GRIP1: variants seen among roughly 807,000 people sequenced by gnomAD.
The protein encoded by GRIP1 is glutamate receptor interacting protein 1, also known as glutamate receptor-interacting protein 1.
A neutral mutation model predicts 129.9 loss-of-function variants in GRIP1; 45 were observed. The observed-to-expected ratio is 0.35, with a 90% confidence interval of 0.27 to 0.44. GRIP1 has a LOEUF of 0.44. Among genes scored for constraint, GRIP1 ranks in the 20% least tolerant of loss-of-function variants. The pLI is 1.00. For synonymous variants in GRIP1, 530 were observed against 520.8 expected (o/e 1.02, Z -0.24); for missense variants, 1,196 against 1,396.8 (o/e 0.86, Z 2.29).
intron 9 of GRIP1, among the ~76,000 whole-genome samples, chr12:66,458,655 G>C (rs2059041682): frequency 1.3e-5 from 2 of 152,206 alleles, no homozygotes; most frequent in Non-Finnish European, 2.9e-5. Flanking sequence ...AAAGTGCTGG[G>C]ATTACAGGCA....
chr12:66,379,572 T>C (rs2056000026), intron 19 of GRIP1, 136 bp from the exon 20 acceptor site: 3 of 902,302 alleles, frequency 3.3e-6, no homozygotes, highest in South Asian at 1.3e-5. Flanking sequence ...TGTGTGCTTA[T>C]TGTGCACCAA....
intron 1 of GRIP1, among the ~76,000 whole-genome samples, chr12:66,720,454 G>A (rs1413425858): frequency 2.0e-5 from 3 of 152,074 alleles, no homozygotes; most frequent in Non-Finnish European, 4.4e-5. Flanking sequence ...AAAGTTGGCT[G>A]CGTCAATTGA....
At chr12:66,968,794 TA>T (rs57035902) in intron 1 of GRIP1, among the ~76,000 whole-genome samples, 108,828 of 151,988 alleles carry the variant, frequency 0.72, 40,375 homozygotes, top group African/African-American at 0.92. Flanking sequence ...TACTTTACCT[TA>T]AATTTATTCC....
At chr12:66,385,244 C>T (rs996893109) in intron 19 of GRIP1, among the ~76,000 whole-genome samples, 1 of 152,122 alleles carries the variant, frequency 6.6e-6, no homozygotes, top group Non-Finnish European at 1.5e-5. Flanking sequence ...TGGCCAGGCA[C>T]GGTGGCTCAG....
intron 2 of GRIP1, among the ~76,000 whole-genome samples, chr12:66,594,067 CAAAAAAAAA>C (rs10661389): frequency 1.9e-5 from 1 of 52,930 alleles, no homozygotes; most frequent in Non-Finnish European, 3.1e-5. Flanking sequence ...GACTCCGTCT[CAAAAAAAAA>C]AAAAAAAAAA....
chr12:66,777,312 G>C (rs1375210236), intron 1 of GRIP1, among the ~76,000 whole-genome samples: 1 of 151,930 alleles, frequency 6.6e-6, no homozygotes, highest in African/African-American at 2.4e-5. Context: ...CTTGGTCTTG[G>C]TGCTGCCCTC....
In GRIP1 at chr12:66,699,758, A is replaced by C. The variant is rs373010156; in HGVS notation, c.-419-69422T>G. ...AAGCTGATATTGAAGAAAGTGGCTT[A>C]GTATGAGAGTTCAAAGGGCTGAATG... On this transcript the variant is annotated intron_variant, in intron 1 of 4. Transcript: ENST00000538373. 2.6e-5 allele frequency among the ~76,000 whole-genome samples: 4 copies of C among 152,336 alleles called. No individual in the cohort carries two copies. In the East Asian group the frequency reaches 7.7e-4, roughly 29 times the overall value.
intron 1 of GRIP1, among the ~76,000 whole-genome samples, chr12:66,819,926 C>T (rs935951468): frequency 7.9e-5 from 12 of 152,162 alleles, no homozygotes; most frequent in Non-Finnish European, 1.2e-4. Context: ...GCTAGGAAAG[C>T]CTGTGCTGCA....
rs561152281 is a variant in GRIP1 at position 66,570,200 on chromosome 12, C to A, written c.136+26647G>T. Among the ~76,000 whole-genome samples, 205 of 152,242 alleles carry A rather than the reference C, an allele frequency of 1.3e-3. 1 individual carries two copies. Among genetic ancestry groups the A allele is most frequent in the African/African-American group, 4.8e-3 (200 of 41,554 alleles). ...CTGGTATGATCTAGCTCACTGCAAC[C>A]TTGAATTCCTGGGCTCAAGTGATCC... On this transcript the variant is annotated intron_variant, in intron 2 of 24. Coordinates refer to ENST00000359742, the MANE Select transcript of GRIP1 (RefSeq NM_001366722.1).
rs139883138 is a variant in GRIP1, at chr12:66,744,815, T to C, written c.-420+59238A>G. The stretch of plus-strand genomic sequence containing the variant: ...GAGTAACTCATCCATCATAATTTAG[T>C]TTTATACACAGAAATCTTACTCAAT... On this transcript the variant is annotated intron_variant, in intron 1 of 4. Transcript: ENST00000538373. 8.5e-5 allele frequency among the ~76,000 whole-genome samples: 13 copies of C among 152,262 alleles called. No individual in the cohort carries two copies. In the East Asian group the frequency reaches 2.5e-3, roughly 29 times the overall value.
chr12:66,726,895 T>A (rs1283622974), intron 1 of GRIP1, among the ~76,000 whole-genome samples: 1 of 152,208 alleles, frequency 6.6e-6, no homozygotes, highest in African/African-American at 2.4e-5. Context: ...GAGACCAATG[T>A]GCCCTTCAGG....
At chr12:66,377,452 C>T (rs904056959) in intron 20 of GRIP1, among the ~76,000 whole-genome samples, 167 bp from the exon 21 acceptor site, 1 of 151,764 alleles carries the variant, frequency 6.6e-6, no homozygotes, top group Admixed American at 6.6e-5. Flanking sequence ...CTCAGCCTCC[C>T]GAGTAGCTGG....
chr12:66,626,541 A>G (rs2030074431), intron 1 of GRIP1: 1 of 152,174 alleles, frequency 6.6e-6, no homozygotes, highest in South Asian at 2.1e-4. Flanking sequence ...TAAACCACCC[A>G]TAGCTAGGAG....
At chr12:66,659,260 G>A (rs2033354341) in intron 1 of GRIP1, among the ~76,000 whole-genome samples, 1 of 152,166 alleles carries the variant, frequency 6.6e-6, no homozygotes, top group Non-Finnish European at 1.5e-5. Context: ...GCATAACATT[G>A]AGTGTGCATT....
chr12:66,530,825 T>C (rs187919458), intron 4 of GRIP1, among the ~76,000 whole-genome samples: 1 of 152,066 alleles, frequency 6.6e-6, no homozygotes, highest in East Asian at 1.9e-4. Context: ...TGTAGGAGAA[T>C]TTTAGATCTT....
chr12:66,396,966 C>A (rs2056813193), intron 16 of GRIP1, among the ~76,000 whole-genome samples: 1 of 151,762 alleles, frequency 6.6e-6, no homozygotes, highest in Non-Finnish European at 1.5e-5. Context: ...CAAAAATTAG[C>A]CAGGCATGGT....
intron 5 of GRIP1, among the ~76,000 whole-genome samples, chr12:66,521,007 T>A (rs2138982535): frequency 6.6e-6 from 1 of 152,262 alleles, no homozygotes. Flanking sequence ...AAACAGAAAT[T>A]TAGGAATGGT....
intron 1 of GRIP1, among the ~76,000 whole-genome samples, chr12:67,029,087 A>G (rs555446016): frequency 1.3e-5 from 2 of 152,066 alleles, no homozygotes; most frequent in Non-Finnish European, 2.9e-5. Flanking sequence ...TGGGCAAAAT[A>G]GTGAGACTGT....
intron 1 of GRIP1, among the ~76,000 whole-genome samples, chr12:66,821,144 T>C (rs1338050012): frequency 6.6e-6 from 1 of 152,238 alleles, no homozygotes; most frequent in African/African-American, 2.4e-5. Flanking sequence ...TTCTGATCAA[T>C]TTTGTTATGA....
Sources: allele counts gnomAD v4.1 joint callset (sites outside exome capture counted in the v4.1 genomes callset), GRCh38; gene constraint gnomAD v4.1.1; transcripts MANE v1.5; gene names NCBI Gene and HGNC (gene_info 2026-07-23, HGNC 2026-07-21).